The following NEGR1 variants were observed in gnomAD, a reference collection of about 807,000 sequenced individuals.
The protein encoded by NEGR1 is neuronal growth regulator 1, also known as IgLON family member 4.
In NEGR1, 10 loss-of-function variants were observed where a neutral mutation model predicts 40.9. The ratio of observed to expected loss-of-function variants is 0.24; its 90% CI spans 0.15 to 0.42. NEGR1 has a LOEUF of 0.42. Ranked by LOEUF, NEGR1 falls within the 10% of genes least tolerant of loss-of-function variation. NEGR1 has a pLI of 1.00. For synonymous variants in NEGR1, 185 were observed against 166.8 expected, an observed-to-expected ratio of 1.11 and a Z score of -0.84; for missense variants, 352 against 438.9, an observed-to-expected ratio of 0.80 and a Z score of 1.77.
chr1:71,502,764 G>A (rs1210619517), intron 6 of NEGR1, among the ~76,000 whole-genome samples: 3 of 152,160 alleles, frequency 2.0e-5, no homozygotes, highest in Non-Finnish European at 2.9e-5. Flanking sequence ...AAGAAAATTG[G>A]ACTATAAATT....
At position 72,259,226 on chromosome 1, in the gene NEGR1, T is replaced by C. The variant is rs572657945; in HGVS notation, c.176+23093A>G. The stretch of plus-strand genomic sequence containing the variant: ...AAATTACATTAAAAACAAGGAGCTA[T>C]AGATTGTAACTCAATTCAATTCAGT... On this transcript the variant is annotated intron_variant, in intron 1 of 6. Coordinates refer to ENST00000357731, the MANE Select transcript of NEGR1 (RefSeq NM_173808.3). 5.3e-5 allele frequency among the ~76,000 whole-genome samples: 8 copies of C among 152,252 alleles called. No individual in the cohort carries two copies. The East Asian group carries it at 7.7e-4, about 15-fold the overall frequency.
intron 2 of NEGR1, among the ~76,000 whole-genome samples, chr1:71,895,904 A>C (rs1660957879): frequency 1.3e-5 from 2 of 152,124 alleles, no homozygotes; most frequent in African/African-American, 2.4e-5. Flanking sequence ...TTTATATATC[A>C]AGGTACCAGT....
At chr1:71,484,262 T>C (rs1646873393) in intron 6 of NEGR1, among the ~76,000 whole-genome samples, 1 of 151,666 alleles carries the variant, frequency 6.6e-6, no homozygotes, top group Non-Finnish European at 1.5e-5. Flanking sequence ...TGTTAACCTC[T>C]GGTATGATTG....
chr1:71,612,808 C>A (rs1022794383), intron 4 of NEGR1, among the ~76,000 whole-genome samples: 8 of 152,140 alleles, frequency 5.3e-5, no homozygotes, highest in Admixed American at 3.9e-4. Flanking sequence ...TGCAGTAAGA[C>A]ACTGAGGCTG....
At chr1:72,023,273 G>A (rs1172489304) in intron 1 of NEGR1, among the ~76,000 whole-genome samples, 1 of 151,950 alleles carries the variant, frequency 6.6e-6, no homozygotes, top group African/African-American at 2.4e-5. Flanking sequence ...ATCGTACCCC[G>A]AGCACAGCCC....
chr1:72,100,539 T>C (rs1166278922), intron 1 of NEGR1, among the ~76,000 whole-genome samples: 1 of 152,182 alleles, frequency 6.6e-6, no homozygotes, highest in Non-Finnish European at 1.5e-5. Flanking sequence ...GTGACCACAT[T>C]AATGTAACTG....
intron 1 of NEGR1, among the ~76,000 whole-genome samples, chr1:72,185,477 T>C (rs1268651792): frequency 6.6e-6 from 1 of 151,872 alleles, no homozygotes; most frequent in African/African-American, 2.4e-5. Flanking sequence ...AGTCTGAAAA[T>C]TGAGAAACAA....
chr1:71,560,428 A>AC (rs1648409813), intron 6 of NEGR1, among the ~76,000 whole-genome samples: 1 of 13,608 alleles, frequency 7.3e-5, no homozygotes. Context: ...GTAATTCTCC[A>AC]TTATATATAT....
At chr1:71,670,399 G>A (rs773956553) in intron 4 of NEGR1, among the ~76,000 whole-genome samples, 100 of 152,124 alleles carry the variant, frequency 6.6e-4, no homozygotes, top group Non-Finnish European at 1.0e-3. Context: ...TTTTTCAGAA[G>A]TTTGCCTATG....
intron 6 of NEGR1, among the ~76,000 whole-genome samples, chr1:71,411,400 T>C (rs370192246): frequency 3.3e-5 from 5 of 152,280 alleles, no homozygotes; most frequent in African/African-American, 1.2e-4. Context: ...ACAGTCAGCA[T>C]AGATGAACCC....
At position 72,170,563 on chromosome 1, in the gene NEGR1, TA is replaced by T. The variant is rs201762664; in HGVS notation, c.176+111755del. On this transcript the variant is annotated intron_variant, in intron 1 of 6. Coordinates refer to ENST00000357731, the MANE Select transcript of NEGR1 (RefSeq NM_173808.3). The stretch of plus-strand genomic sequence containing the variant: ...AATTCAGAAGCTTTTGGGGTGATGC[TA>T]AGCCAGAAAAAGAGGTAATCTTTCA... Among the ~76,000 whole-genome samples, 1,108 of 152,274 alleles carry T rather than the reference TA, an allele frequency of 7.3e-3. 11 individuals are homozygous for T. The highest frequency in any genetic ancestry group is 0.026 in the African/African-American group (1,065 of 41,552).
intron 4 of NEGR1, among the ~76,000 whole-genome samples, chr1:71,617,755 C>T (rs531875296): frequency 1.3e-5 from 2 of 152,302 alleles, no homozygotes; most frequent in Admixed American, 1.3e-4. Context: ...CCTTAACTCA[C>T]ATCTGTTGCC....
At chr1:72,195,536 AT>A (rs1652970256) in intron 1 of NEGR1, among the ~76,000 whole-genome samples, 1 of 151,966 alleles carries the variant, frequency 6.6e-6, no homozygotes, top group African/African-American at 2.4e-5. Context: ...ATACACCAAG[AT>A]TTTTTTCTTA....
intron 1 of NEGR1, among the ~76,000 whole-genome samples, chr1:72,004,822 A>G (rs529182517): frequency 2.6e-5 from 4 of 152,322 alleles, no homozygotes; most frequent in African/African-American, 9.6e-5. Context: ...AATATCCTGG[A>G]GATTCAGGCT....
At chr1:71,679,476 A>G (rs977622077) in intron 4 of NEGR1, among the ~76,000 whole-genome samples, 7 of 152,120 alleles carry the variant, frequency 4.6e-5, no homozygotes, top group Admixed American at 1.3e-4. Context: ...TATATTTGCC[A>G]TTGTAAATTA....
intron 1 of NEGR1, among the ~76,000 whole-genome samples, chr1:72,252,336 G>A (rs548180883): frequency 2.0e-5 from 3 of 152,220 alleles, no homozygotes; most frequent in East Asian, 1.9e-4. Flanking sequence ...GAGCCATTGC[G>A]CCCAGCCTTC....
intron 3 of NEGR1, among the ~76,000 whole-genome samples, chr1:71,711,361 A>G (rs971725022): frequency 8.7e-5 from 13 of 150,058 alleles, no homozygotes; most frequent in Admixed American, 2.7e-4. Flanking sequence ...AAAAAAAAAA[A>G]AAGAAGAAGA....
At chr1:71,841,417 T>C (rs181399282) in intron 2 of NEGR1, among the ~76,000 whole-genome samples, 33 of 152,268 alleles carry the variant, frequency 2.2e-4, no homozygotes, top group African/African-American at 5.5e-4. Context: ...TTGCACATCA[T>C]GTTGTCAAAC....
intron 1 of NEGR1, among the ~76,000 whole-genome samples, chr1:72,102,511 AACTACTCAT>A (rs1227981377): frequency 6.6e-6 from 1 of 152,088 alleles, no homozygotes; most frequent in African/African-American, 2.4e-5. Flanking sequence ...AAATTCAATG[AACTACTCAT>A]ACTGGGAAGA....
Sources: allele counts gnomAD v4.1 joint callset (sites outside exome capture counted in the v4.1 genomes callset), GRCh38; gene constraint gnomAD v4.1.1; transcripts MANE v1.5; gene names NCBI Gene and HGNC (gene_info 2026-07-23, HGNC 2026-07-21).